NTNG1: variants seen among roughly 807,000 people sequenced by gnomAD.
NTNG1 encodes the protein netrin G1, also known as netrin-G1.
A neutral mutation model predicts 54.0 loss-of-function variants in NTNG1; 16 were observed. That is an observed-to-expected ratio of 0.30 (90% confidence interval 0.20 to 0.45). The LOEUF is 0.45. Ranked by LOEUF, NTNG1 falls within the 20% of genes least tolerant of loss-of-function variation. The pLI is 1.00. For synonymous variants in NTNG1, 255 were observed against 263.1 expected (o/e 0.97, Z 0.30); for missense variants, 530 against 678.7 (o/e 0.78, Z 2.43).
At chr1:107,405,989 G>T (rs17018907) in intron 4 of NTNG1, among the ~76,000 whole-genome samples, 1 of 152,208 alleles carries the variant, frequency 6.6e-6, no homozygotes, top group South Asian at 2.1e-4. Context: ...GAAATTCATA[G>T]GGTAGAGTTA....
At chr1:107,339,729 C>G (rs1017103415) in intron 3 of NTNG1, among the ~76,000 whole-genome samples, 8 of 151,994 alleles carry the variant, frequency 5.3e-5, no homozygotes, top group African/African-American at 1.4e-4. Context: ...ATTCTTATCC[C>G]AGAACTGTAA....
At chr1:107,382,405 T>C (rs1485056036) in intron 3 of NTNG1, among the ~76,000 whole-genome samples, 2 of 152,212 alleles carry the variant, frequency 1.3e-5, no homozygotes, top group African/African-American at 4.8e-5. Context: ...GTGACATTGA[T>C]CCATGTTAAA....
At chr1:107,339,950 A>T (rs577994975) in intron 3 of NTNG1, among the ~76,000 whole-genome samples, 1 of 152,160 alleles carries the variant, frequency 6.6e-6, no homozygotes, top group Non-Finnish European at 1.5e-5. Context: ...ATTATGAAGC[A>T]TCATGGTTTG....
intron 5 of NTNG1, chr1:107,421,255 C>T: frequency 1.4e-6 from 1 of 710,902 alleles, no homozygotes; most frequent in Non-Finnish European, 2.5e-6. Flanking sequence ...ATTGGTGAGG[C>T]ATGTTGACTA....
chr1:107,395,543 GT>G (rs1672635024), intron 4 of NTNG1: 1 of 725,032 alleles, frequency 1.4e-6, no homozygotes, highest in African/African-American at 1.7e-5. Flanking sequence ...CATCAAATGT[GT>G]TGGGAAATGA....
intron 3 of NTNG1, among the ~76,000 whole-genome samples, chr1:107,331,156 A>C (rs1288182644): frequency 6.6e-6 from 1 of 152,084 alleles, no homozygotes; most frequent in Non-Finnish European, 1.5e-5. Flanking sequence ...AAGTGGTAAA[A>C]TCAGGTTTTT....
chr1:107,421,565 A>T (rs1328136461), intron 5 of NTNG1, among the ~76,000 whole-genome samples: 8 of 152,116 alleles, frequency 5.3e-5, no homozygotes, highest in Non-Finnish European at 1.2e-4. Context: ...CAAATGAAAC[A>T]CCTTGGAATT....
At chr1:107,315,580 C>G (rs1667288832) in intron 2 of NTNG1, among the ~76,000 whole-genome samples, 1 of 152,158 alleles carries the variant, frequency 6.6e-6, no homozygotes, top group Admixed American at 6.6e-5. Context: ...ACCCCAAGTT[C>G]TACCTCAACT....
intron 5 of NTNG1, among the ~76,000 whole-genome samples, chr1:107,415,312 T>C (rs1674121155): frequency 6.6e-6 from 1 of 152,166 alleles, no homozygotes; most frequent in African/African-American, 2.4e-5. Context: ...GTAGGGATAA[T>C]TTCCTCATCA....
chr1:107,290,977 A>ATATG, intron 2 of NTNG1, among the ~76,000 whole-genome samples: 1 of 147,150 alleles, frequency 6.8e-6, no homozygotes, highest in South Asian at 2.1e-4. Flanking sequence ...ATATATATAT[A>ATATG]TATATATACA....
chr1:107,185,812 T>C (rs1408704437), intron 2 of NTNG1, among the ~76,000 whole-genome samples: 2 of 152,136 alleles, frequency 1.3e-5, no homozygotes, highest in East Asian at 3.9e-4. Flanking sequence ...TGGCATTGTG[T>C]TCATTTTTTA....
At chr1:107,425,638 C>G (rs537109298) in intron 5 of NTNG1, among the ~76,000 whole-genome samples, 4 of 152,210 alleles carry the variant, frequency 2.6e-5, no homozygotes, top group African/African-American at 9.6e-5. Flanking sequence ...CTGCAATAAA[C>G]ATATTACTGT....
At chr1:107,266,695 A>C (rs1663764178) in intron 2 of NTNG1, among the ~76,000 whole-genome samples, 1 of 151,008 alleles carries the variant, frequency 6.6e-6, no homozygotes, top group South Asian at 2.1e-4. Flanking sequence ...CTAAGGTGAG[A>C]GTTTCCTATT....
chr1:107,162,575 CAGAA>C (rs1391732161), intron 2 of NTNG1, among the ~76,000 whole-genome samples: 3 of 151,954 alleles, frequency 2.0e-5, no homozygotes, highest in African/African-American at 7.2e-5. Context: ...GGCAAAATAA[CAGAA>C]AGAAGCATGA....
At chr1:107,213,298 GC>G (rs1324582171) in intron 2 of NTNG1, among the ~76,000 whole-genome samples, 4 of 152,010 alleles carry the variant, frequency 2.6e-5, no homozygotes, top group African/African-American at 9.7e-5. Context: ...AAGCACAACA[GC>G]CTGTCTAAAG....
chr1:107,432,271 T>C (rs1033130477), intron 6 of NTNG1, among the ~76,000 whole-genome samples: 2 of 152,210 alleles, frequency 1.3e-5, no homozygotes, highest in African/African-American at 2.4e-5. Context: ...GTTTTGTTTT[T>C]ACTTAATCCT....
chr1:107,356,596 C>A (rs1358024735), intron 3 of NTNG1, among the ~76,000 whole-genome samples: 1 of 151,960 alleles, frequency 6.6e-6, no homozygotes, highest in Non-Finnish European at 1.5e-5. Context: ...GCCAGCCAGT[C>A]CTGTTGAATG....
chr1:107,435,164 A>G lies in NTNG1; in HGVS notation c.1256-1501A>G, dbSNP rs568653126. 2.6e-5 allele frequency among the ~76,000 whole-genome samples: 4 copies of G among 152,196 alleles called. No homozygotes were observed. In the East Asian group the frequency reaches 7.7e-4, roughly 29 times the overall value. Reference sequence around the variant, plus strand: ...CATTGGTGATTTATTGTCAACTTACACACTTTAAACAGTAAAAAAAAAAAT... The same window carrying G: ...CATTGGTGATTTATTGTCAACTTACGCACTTTAAACAGTAAAAAAAAAAAT... On this transcript the variant is annotated intron_variant, in intron 6 of 7. Transcript: ENST00000370068.
chr1:107,227,753 C>T (rs1660790256), intron 2 of NTNG1, among the ~76,000 whole-genome samples: 1 of 151,666 alleles, frequency 6.6e-6, no homozygotes, highest in Admixed American at 6.6e-5. Context: ...TTTTTTCAGC[C>T]CTGAAACCTT....
Sources: allele counts gnomAD v4.1 joint callset (sites outside exome capture counted in the v4.1 genomes callset), GRCh38; gene constraint gnomAD v4.1.1; transcripts MANE v1.5; gene names NCBI Gene and HGNC (gene_info 2026-07-23, HGNC 2026-07-21).